The following NUP210L variants were observed in gnomAD, a reference collection of about 807,000 sequenced individuals.
NUP210L encodes nucleoporin 210 like, also known as nuclear pore membrane glycoprotein 210-like.
Under a neutral mutation model 208.5 loss-of-function variants are expected in NUP210L, and 74 were observed. The ratio of observed to expected loss-of-function variants is 0.35; its 90% CI spans 0.29 to 0.43. The LOEUF (loss-of-function observed/expected upper bound fraction) is 0.43. Ranked by LOEUF, NUP210L falls within the 20% of genes least tolerant of loss-of-function variation. NUP210L has a pLI of 1.00. For missense variants in NUP210L, 1,843 were observed against 2,289.4 expected (o/e 0.81, Z 3.98); for synonymous variants, 780 against 816.9 (o/e 0.95, Z 0.77).
intron 13 of NUP210L, among the ~76,000 whole-genome samples, chr1:154,101,788 C>T (rs1250104881): frequency 1.3e-5 from 2 of 152,036 alleles, no homozygotes; most frequent in African/African-American, 4.8e-5. Context: ...GCTGAGAAAA[C>T]AGAATGAACA....
intron 17 of NUP210L, among the ~76,000 whole-genome samples, chr1:154,067,956 A>C (rs1403872818): frequency 2.0e-5 from 3 of 152,236 alleles, no homozygotes; most frequent in African/African-American, 7.2e-5. Context: ...GGACACAAAC[A>C]AATGGAAGAA....
chr1:154,031,320 C>T (rs1652204866), intron 27 of NUP210L, among the ~76,000 whole-genome samples: 1 of 152,094 alleles, frequency 6.6e-6, no homozygotes, highest in Non-Finnish European at 1.5e-5. Context: ...GAACTCCTGA[C>T]CTCAGATGAT....
intron 11 of NUP210L, 61 bp from the exon 12 acceptor site, chr1:154,117,941 G>A: frequency 8.3e-7 from 1 of 1,206,698 alleles, no homozygotes; most frequent in Non-Finnish European, 1.2e-6. Flanking sequence ...AAGTGAAAAT[G>A]TAAAACTTGA....
intron 35 of NUP210L, among the ~76,000 whole-genome samples, chr1:154,004,398 C>T (rs562301832): frequency 5.9e-5 from 9 of 151,596 alleles, no homozygotes; most frequent in African/African-American, 9.7e-5. Context: ...GACGAAGTCT[C>T]GTTCTGTCGC....
At chr1:153,994,916 G>A (rs2147875309) in intron 38 of NUP210L, among the ~76,000 whole-genome samples, 160 bp downstream of exon 38, 1 of 151,680 alleles carries the variant, frequency 6.6e-6, no homozygotes, top group Non-Finnish European at 1.5e-5. Context: ...GGAGGCTGAG[G>A]CAGGAGAATT....
At chr1:154,041,205 T>C (rs1025965137) in intron 27 of NUP210L, among the ~76,000 whole-genome samples, 2 of 151,978 alleles carry the variant, frequency 1.3e-5, no homozygotes, top group African/African-American at 4.8e-5. Context: ...GCTCAAGTGA[T>C]CCTCTCACCT....
intron 10 of NUP210L, among the ~76,000 whole-genome samples, chr1:154,120,964 T>C (rs952825798): frequency 1.3e-5 from 2 of 152,032 alleles, no homozygotes; most frequent in African/African-American, 4.8e-5. Context: ...AATCCCTTTA[T>C]TGTTGATTTT....
chr1:154,093,428 CA>C (rs1026426635), intron 15 of NUP210L, among the ~76,000 whole-genome samples: 7 of 142,852 alleles, frequency 4.9e-5, no homozygotes, highest in South Asian at 2.2e-4. Flanking sequence ...AACTCCATCT[CA>C]AAAAAAAAAG....
At chr1:154,086,471 T>G (rs1432519763) in intron 16 of NUP210L, among the ~76,000 whole-genome samples, 1 of 152,058 alleles carries the variant, frequency 6.6e-6, no homozygotes, top group Admixed American at 6.6e-5. Context: ...AATTGATAAA[T>G]TGGGATTCAT....
At chr1:154,033,047 A>G (rs1652348254) in intron 27 of NUP210L, among the ~76,000 whole-genome samples, 1 of 151,980 alleles carries the variant, frequency 6.6e-6, no homozygotes, top group Non-Finnish European at 1.5e-5. Context: ...AGGGAAGGGA[A>G]GGAAGGAAAT....
At chr1:154,022,989 T>C in intron 31 of NUP210L, 133 bp downstream of exon 31, 1 of 934,418 alleles carries the variant, frequency 1.1e-6, no homozygotes, top group Non-Finnish European at 1.6e-6. Context: ...CTTAAAAAAA[T>C]TTTTTTTAAC....
Position 154,143,437 on chromosome 1 carries a change from G to T in NUP210L, c.472+9C>A, listed in dbSNP as rs752986192. On this transcript the variant is annotated intron_variant, in intron 3 of 39. Coordinates refer to ENST00000368559, the Ensembl canonical transcript of NUP210L. Reference sequence around the variant, plus strand: ...AGGTAATTTTGTTGAATCCTCTGAAGTTCTTTACCTTCAGCATCCAATGCC... The same window carrying T: ...AGGTAATTTTGTTGAATCCTCTGAATTTCTTTACCTTCAGCATCCAATGCC... 65 of 1,610,686 alleles carry T rather than the reference G, an allele frequency of 4.0e-5. No individual in the cohort carries two copies. Among genetic ancestry groups the T allele is most frequent in the Non-Finnish European group, 3.4e-5 (40 of 1,179,022 alleles).
intron 14 of NUP210L, among the ~76,000 whole-genome samples, chr1:154,096,835 C>G (rs1397265602): frequency 6.6e-6 from 1 of 151,956 alleles, no homozygotes; most frequent in African/African-American, 2.4e-5. Context: ...AATGCAAGCA[C>G]TTTGGGAGGC....
intron 16 of NUP210L, among the ~76,000 whole-genome samples, chr1:154,083,041 T>A (rs1033637977): frequency 2.0e-5 from 3 of 152,162 alleles, no homozygotes; most frequent in African/African-American, 7.2e-5. Context: ...ATGAAGGTAG[T>A]GTGGACCCAA....
intron 36 of NUP210L, 113 bp downstream of exon 36, chr1:154,001,621 AT>A: frequency 3.5e-6 from 4 of 1,129,974 alleles, no homozygotes; most frequent in Non-Finnish European, 5.1e-6. Flanking sequence ...GTCATTTCCT[AT>A]GGTAATTTTT....
rs533143286 is a variant in NUP210L at position 154,067,846 on chromosome 1, T to C, written c.2554+2427A>G. ...ATCATGAGTGAACTCCCATTCACAA[T>C]TGCTACAAAGACAATAAAATACCTA... On this transcript the variant is annotated intron_variant, in intron 17 of 39. Transcript: ENST00000368559. Among the ~76,000 whole-genome samples, 19 of 152,250 alleles carry C rather than the reference T, an allele frequency of 1.2e-4. No individual in the cohort carries two copies. The South Asian group carries it at 3.3e-3, about 27-fold the overall frequency.
At position 154,054,888 on chromosome 1, in the gene NUP210L, A is replaced by C. The variant is rs761369457; in HGVS notation, c.3241-56T>G. 29 of 1,247,652 alleles carry C rather than the reference A, an allele frequency of 2.3e-5. No individual in the cohort carries two copies. In the South Asian group the frequency reaches 3.2e-4, roughly 14 times the overall value. The allele number at this position is 1,247,652 out of a possible 1,614,324, so 77.3% of individuals were successfully genotyped here. On this transcript the variant is annotated intron_variant, in intron 23 of 39. Transcript: ENST00000368559. ...AACTAACTAGAGTCAATTTTATAAC[A>C]TATCATGGTCATTTAAATTTTTTTT...
At chr1:153,995,566 C>G in intron 37 of NUP210L, 1 of 718,010 alleles carries the variant, frequency 1.4e-6, no homozygotes, top group Non-Finnish European at 2.5e-6. Flanking sequence ...TTTAAATCCT[C>G]TGCTACTTTA....
chr1:154,130,576 A>ATTTTT (rs765115829), intron 7 of NUP210L, among the ~76,000 whole-genome samples: 1 of 98,960 alleles, frequency 1.0e-5, no homozygotes, highest in Non-Finnish European at 2.0e-5. Flanking sequence ...CCTGGCCCCA[A>ATTTTT]TTTTTTTTTT....
Sources: gnomAD v4.1 joint callset for allele counts (sites outside exome capture counted in the v4.1 genomes callset) on GRCh38, gnomAD v4.1.1 for gene constraint, MANE v1.5 for transcripts, NCBI Gene and HGNC (gene_info 2026-07-23, HGNC 2026-07-21) for gene names.